The following EFCAB8 variants were observed in gnomAD, a reference collection of about 807,000 sequenced individuals.
EFCAB8 encodes the protein EF-hand calcium-binding domain-containing protein 8.
Under a neutral mutation model 116.3 loss-of-function variants are expected in EFCAB8, and 100 were observed. The observed-to-expected ratio is 0.86, with a 90% CI of 0.73 to 1.02. The LOEUF (loss-of-function observed/expected upper bound fraction) is 1.02. Among genes scored for constraint, EFCAB8 ranks in the 50% least tolerant of loss-of-function variants. The probability of loss-of-function intolerance (pLI) is 0.00; values close to 1 mark genes in which losing one functional copy is unlikely to be tolerated. For missense variants in EFCAB8, 1,320 were observed against 1,416.9 expected, an observed-to-expected ratio of 0.93 and a Z score of 1.10; for synonymous variants, 558 against 567.9, an observed-to-expected ratio of 0.98 and a Z score of 0.25.
At chr20:32,942,808 G>A (rs1988447053) in intron 22 of EFCAB8, among the ~76,000 whole-genome samples, 1 of 151,874 alleles carries the variant, frequency 6.6e-6, no homozygotes, top group South Asian at 2.1e-4. Context: ...ATTCATTTGG[G>A]TGTAAGATAA....
At chr20:32,920,627 A>G (rs1987406805) in intron 20 of EFCAB8, among the ~76,000 whole-genome samples, 1 of 152,162 alleles carries the variant, frequency 6.6e-6, no homozygotes, top group African/African-American at 2.4e-5. Context: ...CTTGTTCACT[A>G]TCATGAGAAT....
chr20:32,928,077 G>A (rs937212749), intron 20 of EFCAB8, among the ~76,000 whole-genome samples: 2 of 152,012 alleles, frequency 1.3e-5, no homozygotes, highest in African/African-American at 4.8e-5. Context: ...GGAATCATAT[G>A]TTTGTCTTTT....
intron 13 of EFCAB8, 56 bp from the exon 14 acceptor site, chr20:32,908,219 G>GTAGA: frequency 8.0e-7 from 1 of 1,246,966 alleles, no homozygotes; most frequent in Non-Finnish European, 1.0e-6. Context: ...GGCTTCAGGA[G>GTAGA]CCGGCTACAT....
intron 1 of EFCAB8, among the ~76,000 whole-genome samples, chr20:32,863,478 G>A (rs1022095025): frequency 7.2e-5 from 11 of 152,284 alleles, no homozygotes; most frequent in Middle Eastern, 3.4e-3. Context: ...ATCCCCTTTA[G>A]GAAGCCTCTG....
At chr20:32,949,503 T>C (rs1433613137) in intron 23 of EFCAB8, among the ~76,000 whole-genome samples, 2 of 152,180 alleles carry the variant, frequency 1.3e-5, no homozygotes, top group Non-Finnish European at 2.9e-5. Flanking sequence ...CAAGACTTAT[T>C]GTGAAGCCAT....
chr20:32,912,398 C>A (rs150504280), intron 16 of EFCAB8, among the ~76,000 whole-genome samples: 1 of 149,126 alleles, frequency 6.7e-6, no homozygotes, highest in South Asian at 2.1e-4. Context: ...CGCCATCGCA[C>A]TCCAGCCTGG....
intron 17 of EFCAB8, among the ~76,000 whole-genome samples, chr20:32,914,617 G>T (rs1387411311): frequency 6.6e-6 from 1 of 152,188 alleles, no homozygotes; most frequent in Non-Finnish European, 1.5e-5. Context: ...GGGAAGCAAG[G>T]CACATCTTAC....
Position 32,906,861 on chromosome 20 carries a change from C to A in EFCAB8, c.1175C>A (p.Ala392Asp), listed in dbSNP as rs1211140435. The change falls in exon 13 of 27, where the codon GCC becomes GAC. Residue 392 changes from alanine to aspartate, a missense_variant. Coordinates refer to ENST00000400522, the MANE Select transcript of EFCAB8 (RefSeq NM_001143967.2). ...ACCACAGTGACTGGTGGCTACGATG[C>A]CTTCATCCGCCTGTGGAACCCCTTT... ...RNFLVTGGYDAFIRLWNPFVS... is the reference protein window; with the variant it reads ...RNFLVTGGYDDFIRLWNPFVS... The A allele has an allele frequency of 6.6e-6, 10 of 1,517,714 alleles. No homozygotes were observed. 94.0% of individuals were successfully genotyped at this position (1,517,714 alleles called of 1,614,324 possible). A position where few individuals can be genotyped will look rare whatever the true frequency, so the allele number is the denominator to read the frequency against.
intron 20 of EFCAB8, 125 bp downstream of exon 20, chr20:32,920,340 G>T (rs1039946622): frequency 2.0e-5 from 27 of 1,345,272 alleles, no homozygotes; most frequent in Admixed American, 5.4e-5. Context: ...GTGCCCGGAA[G>T]GCATCTTGGA....
intron 3 of EFCAB8, among the ~76,000 whole-genome samples, chr20:32,871,896 T>C (rs1984700234): frequency 6.6e-6 from 1 of 152,072 alleles, no homozygotes; most frequent in African/African-American, 2.4e-5. Flanking sequence ...CCTTTCAGTC[T>C]CCCCAGGAGG....
intron 11 of EFCAB8, 32 bp downstream of exon 11, chr20:32,898,655 T>G: frequency 2.8e-6 from 2 of 709,798 alleles, no homozygotes; most frequent in Non-Finnish European, 2.6e-6. Flanking sequence ...GCTAAGGCGG[T>G]GGGGCTGGAA....
At chr20:32,951,312 A>G (rs1318653709) in intron 23 of EFCAB8, among the ~76,000 whole-genome samples, 1 of 152,256 alleles carries the variant, frequency 6.6e-6, no homozygotes, top group Non-Finnish European at 1.5e-5. Context: ...TTGATAAACT[A>G]TGGTTTATGG....
intron 22 of EFCAB8, among the ~76,000 whole-genome samples, chr20:32,935,192 CTTTT>C (rs753039647): frequency 1.8e-4 from 6 of 34,046 alleles, no homozygotes; most frequent in African/African-American, 8.9e-4. Flanking sequence ...TTCTTTCTTT[CTTTT>C]TTTTTTTTTT....
chr20:32,958,573 A>G (rs1370379586), intron 24 of EFCAB8, 23 bp downstream of exon 24: 4 of 414,694 alleles, frequency 9.6e-6, no homozygotes, highest in Non-Finnish European at 1.8e-5. Flanking sequence ...AGCCTGCTTG[A>G]TCTTCTCTGG....
At position 32,875,071 on chromosome 20, in the gene EFCAB8, G is replaced by A. The variant is rs1984884189; in HGVS notation, c.209-855G>A. Among the ~76,000 whole-genome samples the A allele has an allele frequency of 2.6e-5, 4 of 152,176 alleles. No individual in the cohort carries two copies. The South Asian group carries it at 8.3e-4, about 32-fold the overall frequency. On this transcript the variant is annotated intron_variant, in intron 3 of 26. Coordinates refer to ENST00000400522, the MANE Select transcript of EFCAB8 (RefSeq NM_001143967.2). Reference sequence around the variant, plus strand: ...GCCTGGTTCTCCTTTTCTTTGGAGAGTTTTCTTTGTCTCAATCCTTCCTCT... The same window carrying A: ...GCCTGGTTCTCCTTTTCTTTGGAGAATTTTCTTTGTCTCAATCCTTCCTCT...
Position 32,939,175 on chromosome 20 carries a change from CTTT to C in EFCAB8, c.2791-4460_2791-4458del, listed in dbSNP as rs1568941673. The stretch of plus-strand genomic sequence containing the variant: ...TCTTTCTTTCTTTCTTTCTTTCTTT[CTTT>C]CTTTCTTTCTTTCTTTCTTTCTTTC... On this transcript the variant is annotated intron_variant, in intron 22 of 26. Coordinates refer to ENST00000400522, the MANE Select transcript of EFCAB8 (RefSeq NM_001143967.2). Among the ~76,000 whole-genome samples, 21 of 87,892 alleles carry C rather than the reference CTTT, an allele frequency of 2.4e-4. 1 individual carries two copies. Among genetic ancestry groups the C allele is most frequent in the African/African-American group, 4.9e-4 (11 of 22,634 alleles). 57.7% of individuals were successfully genotyped at this position (87,892 alleles called of 152,430 possible).
intron 22 of EFCAB8, among the ~76,000 whole-genome samples, chr20:32,938,959 CCTTT>C (rs1230052829): frequency 2.1e-5 from 3 of 144,726 alleles, no homozygotes; most frequent in Non-Finnish European, 4.6e-5. Flanking sequence ...TTCCTTCCTT[CCTTT>C]CTTTTTCTTT....
chr20:32,864,208 C>T (rs1029100067), intron 2 of EFCAB8, among the ~76,000 whole-genome samples: 3 of 151,862 alleles, frequency 2.0e-5, no homozygotes, highest in African/African-American at 7.2e-5. Context: ...AACTCCTGAC[C>T]TCATGATCTG....
At position 32,950,166 on chromosome 20, in the gene EFCAB8, A is replaced by T. The variant is rs1988756959; in HGVS notation, c.2959+6362A>T. 2.6e-5 allele frequency among the ~76,000 whole-genome samples: 4 copies of T among 152,382 alleles called. 1 individual carries two copies. In the South Asian group the frequency reaches 8.3e-4, roughly 32 times the overall value. ...ATGCAACACCGATAGAGCATGATTC[A>T]TAAAATATCAAGTTAATAACAGTTT... On this transcript the variant is annotated intron_variant, in intron 23 of 26. Transcript: ENST00000400522.
Sources: allele counts gnomAD v4.1 joint callset (sites outside exome capture counted in the v4.1 genomes callset), GRCh38; gene constraint gnomAD v4.1.1; transcripts MANE v1.5; gene names NCBI Gene and HGNC (gene_info 2026-07-23, HGNC 2026-07-21).